The following CGNL1 variants were observed in gnomAD, a reference collection of about 807,000 sequenced individuals.
The protein encoded by CGNL1 is cingulin-like protein 1.
A neutral mutation model predicts 141.2 loss-of-function variants in CGNL1; 132 were observed. The observed-to-expected ratio is 0.93, with a 90% confidence interval of 0.81 to 1.08. The LOEUF is 1.08. Ranked by LOEUF, CGNL1 falls within the 50% of genes least tolerant of loss-of-function variation. The pLI, the probability that CGNL1 is intolerant of heterozygous loss-of-function variation, is 0.00. For synonymous variants in CGNL1, 690 were observed against 622.1 expected (o/e 1.11, Z -1.63); for missense variants, 1,870 against 1,588.6 (o/e 1.18, Z -3.01).
intron 1 of CGNL1, among the ~76,000 whole-genome samples, chr15:57,383,031 G>C (rs2062440539): frequency 1.3e-5 from 2 of 152,138 alleles, no homozygotes; most frequent in African/African-American, 4.8e-5. Flanking sequence ...TTTTTTGCCT[G>C]TGTGGTTTTT....
At chr15:57,476,024 C>T (rs891503857) in intron 8 of CGNL1, among the ~76,000 whole-genome samples, 2 of 152,112 alleles carry the variant, frequency 1.3e-5, no homozygotes, top group African/African-American at 4.8e-5. Flanking sequence ...TTTGTTTACT[C>T]AACACATCAA....
intron 1 of CGNL1, among the ~76,000 whole-genome samples, chr15:57,432,383 G>A (rs1478935918): frequency 1.3e-5 from 2 of 152,186 alleles, no homozygotes; most frequent in Admixed American, 6.5e-5. Flanking sequence ...GAGAGGAAAT[G>A]TTTCTATCTG....
intron 12 of CGNL1, 102 bp from the exon 13 acceptor site, chr15:57,528,552 A>C: frequency 2.5e-6 from 3 of 1,185,836 alleles, no homozygotes; most frequent in Non-Finnish European, 3.6e-6. Flanking sequence ...GTGGGAGTCC[A>C]GCTGATCTTC....
At chr15:57,484,671 G>A (rs1211104942) in intron 8 of CGNL1, among the ~76,000 whole-genome samples, 1 of 152,002 alleles carries the variant, frequency 6.6e-6, no homozygotes, top group African/African-American at 2.4e-5. Flanking sequence ...TAGGTTTTAA[G>A]CCCCGCATGC....
intron 1 of CGNL1, among the ~76,000 whole-genome samples, chr15:57,377,636 T>C (rs2062379423): frequency 6.6e-6 from 1 of 152,180 alleles, no homozygotes; most frequent in Non-Finnish European, 1.5e-5. Context: ...AGACAGTAGA[T>C]GGTGCCTTTA....
chr15:57,435,758 A>G (rs1466379641), intron 1 of CGNL1, among the ~76,000 whole-genome samples: 1 of 152,160 alleles, frequency 6.6e-6, no homozygotes, highest in East Asian at 1.9e-4. Context: ...ACAGAGAGAC[A>G]AAACAAGTAA....
At chr15:57,498,552 TTGAG>T (rs1381876356) in intron 8 of CGNL1, among the ~76,000 whole-genome samples, 1 of 152,144 alleles carries the variant, frequency 6.6e-6, no homozygotes, top group African/African-American at 2.4e-5. Flanking sequence ...TTTTCTTTTT[TTGAG>T]TATTTACTTG....
rs1445999650 is a variant in CGNL1 at position 57,426,475 on chromosome 15, C to G, written c.-15-11510C>G. 2.0e-5 allele frequency among the ~76,000 whole-genome samples: 3 copies of G among 146,498 alleles called. No homozygotes were observed. The Admixed American group carries it at 2.1e-4, about 10-fold the overall frequency. The stretch of plus-strand genomic sequence containing the variant: ...TTTTTTTTTTTTTTAAAGACAGGTT[C>G]TCTCTCTGTTGCCCAGGCTGGATTA... On this transcript the variant is annotated intron_variant, in intron 1 of 18. Coordinates refer to ENST00000281282, the MANE Select transcript of CGNL1 (RefSeq NM_032866.5).
At chr15:57,517,878 A>G (rs1409406191) in intron 9 of CGNL1, among the ~76,000 whole-genome samples, 1 of 152,222 alleles carries the variant, frequency 6.6e-6, no homozygotes, top group Non-Finnish European at 1.5e-5. Context: ...GGACACATTC[A>G]AAGCATAGCA....
chr15:57,501,049 T>C (rs2064017005), intron 8 of CGNL1, among the ~76,000 whole-genome samples: 1 of 152,004 alleles, frequency 6.6e-6, no homozygotes, highest in South Asian at 2.1e-4. Flanking sequence ...TATCACAGGG[T>C]ATTAAATACC....
chr15:57,453,125 G>C (rs1215874612), intron 6 of CGNL1, among the ~76,000 whole-genome samples: 1 of 152,108 alleles, frequency 6.6e-6, no homozygotes, highest in Non-Finnish European at 1.5e-5. Flanking sequence ...TCATCAGGTG[G>C]TGATTATTTT....
chr15:57,506,186 C>A (rs2064099255), intron 8 of CGNL1, among the ~76,000 whole-genome samples: 1 of 152,206 alleles, frequency 6.6e-6, no homozygotes, highest in Non-Finnish European at 1.5e-5. Context: ...TTGCATTTAC[C>A]CGGTTCCCAC....
rs142452480 is a variant in CGNL1, at chr15:57,389,026, G to GT, written c.-16+12469dup. Among the ~76,000 whole-genome samples the GT allele has an allele frequency of 4.3e-3, 637 of 149,150 alleles. 4 individuals are homozygous for GT. Among genetic ancestry groups the GT allele is most frequent in the African/African-American group, 0.014 (555 of 40,666 alleles). ...CTTCGGAGTCAAACTATAGAGAGGTGTTTTTTTTTTCTTTTTAAATTTAAA... is the reference window on the plus strand; with the variant it reads ...CTTCGGAGTCAAACTATAGAGAGGTGTTTTTTTTTTTCTTTTTAAATTTAAA... On this transcript the variant is annotated intron_variant, in intron 1 of 18. Transcript: ENST00000281282.
intron 1 of CGNL1, among the ~76,000 whole-genome samples, chr15:57,406,347 G>A (rs538605161): frequency 3.5e-4 from 54 of 152,176 alleles, no homozygotes; most frequent in Non-Finnish European, 5.1e-4. Flanking sequence ...GGAACAGCAA[G>A]GAGGCCACAG....
At chr15:57,389,963 G>A (rs986339959) in intron 1 of CGNL1, among the ~76,000 whole-genome samples, 6 of 152,072 alleles carry the variant, frequency 3.9e-5, no homozygotes, top group Non-Finnish European at 2.9e-5. Flanking sequence ...TTACAGGCAC[G>A]TGCCACCACA....
chr15:57,540,725 T>G (rs1324949791), intron 14 of CGNL1, among the ~76,000 whole-genome samples: 3 of 152,186 alleles, frequency 2.0e-5, no homozygotes, highest in Non-Finnish European at 2.9e-5. Flanking sequence ...ACTGACCTCT[T>G]ATGCAGGGCT....
rs1318620902 is a variant in CGNL1, at chr15:57,438,072, G to A, written c.73G>A (p.Asp25Asn). Residue 25 changes from aspartate (D) to asparagine (N), a missense_variant, in exon 2 of 19, where the codon GAT becomes AAT. Asp to Asn is a conservative substitution (Grantham distance 23). Coordinates refer to ENST00000281282, the MANE Select transcript of CGNL1 (RefSeq NM_032866.5). ...GGTCCATCTGAGACTCGCAAGTGAT[G>A]ATACCCAAAAATCAAGGAGTTCCCA... ...YGVHLRLASD[D>N]TQKSRSSQNS... 2 of 1,614,098 alleles carry A rather than the reference G, an allele frequency of 1.2e-6. No individual in the cohort carries two copies. The highest frequency in any genetic ancestry group is 2.2e-5 in the East Asian group (1 of 44,890).
chr15:57,543,920 G>T, intron 15 of CGNL1, 141 bp downstream of exon 15: 1 of 612,356 alleles, frequency 1.6e-6, no homozygotes, highest in South Asian at 2.2e-5. Context: ...TCCTTTTCCA[G>T]AGTTGTTTTT....
intron 14 of CGNL1, among the ~76,000 whole-genome samples, chr15:57,538,823 C>T (rs372411130): frequency 1.1e-4 from 17 of 152,336 alleles, no homozygotes; most frequent in African/African-American, 3.8e-4. Context: ...TCTAAACTCT[C>T]CTTGTGGGTC....
Sources: allele counts gnomAD v4.1 joint callset (sites outside exome capture counted in the v4.1 genomes callset), GRCh38; gene constraint gnomAD v4.1.1; transcripts MANE v1.5; gene names NCBI Gene and HGNC (gene_info 2026-07-23, HGNC 2026-07-21).